IKBKB: variants seen among roughly 807,000 people sequenced by gnomAD.
The protein encoded by IKBKB is inhibitor of nuclear factor kappa B kinase subunit beta.
A neutral mutation model predicts 113.6 loss-of-function variants in IKBKB; 42 were observed. That is an observed-to-expected ratio of 0.37 (90% CI 0.29 to 0.48). The LOEUF is 0.48. IKBKB is among the 20% of genes least tolerant of loss of function. The pLI, the probability that IKBKB is intolerant of heterozygous loss-of-function variation, is 0.99. For synonymous variants in IKBKB, 296 were observed against 361.3 expected, an observed-to-expected ratio of 0.82 and a Z score of 2.05; for missense variants, 673 against 939.7, an observed-to-expected ratio of 0.72 and a Z score of 3.71.
At chr8:42,306,057 T>C (rs1213215329) in intron 6 of IKBKB, among the ~76,000 whole-genome samples, 1 of 152,204 alleles carries the variant, frequency 6.6e-6, no homozygotes, top group Non-Finnish European at 1.5e-5. Context: ...GGTTTAGCTG[T>C]CTTGAGGGCT....
At chr8:42,296,840 G>A (rs1261320309) in intron 5 of IKBKB, among the ~76,000 whole-genome samples, 1 of 152,146 alleles carries the variant, frequency 6.6e-6, no homozygotes, top group African/African-American at 2.4e-5. Context: ...GCGGTAAAAT[G>A]GGAGCGTTAC....
rs375674887 is a variant in IKBKB at position 42,317,913 on chromosome 8, T to A, written c.1240+142T>A. 1.8e-5 allele frequency: 12 copies of A among 667,654 alleles called. No homozygotes were observed. The African/African-American group carries it at 1.8e-4, about 10-fold the overall frequency. The allele number at this position is 667,654 out of a possible 1,614,324, so 41.4% of individuals were successfully genotyped here. On this transcript the variant is annotated intron_variant, in intron 12 of 21. Coordinates refer to ENST00000520810, the MANE Select transcript of IKBKB (RefSeq NM_001556.3). ...AGTCCTCAGGGCAGCCTTCCTTATT[T>A]AGGACATGCAAGGAGTAGCCAGGCA...
intron 8 of IKBKB, chr8:42,313,906 T>C (rs1818190218): frequency 5.8e-6 from 1 of 171,292 alleles, no homozygotes; most frequent in Admixed American, 5.7e-5. Context: ...TGTATAGTTG[T>C]AAACTTATAT....
intron 2 of IKBKB, among the ~76,000 whole-genome samples, chr8:42,278,810 C>T (rs1454578654): frequency 3.3e-5 from 5 of 152,048 alleles, no homozygotes; most frequent in South Asian, 2.1e-4. Flanking sequence ...GCCTGACCAA[C>T]GTGGAGAAAC....
chr8:42,325,975 G>A lies in IKBKB; in HGVS notation c.1992G>A (p.Lys664=). ...LWNLLKIACS[K]VRGPVSGSPD... ...CTTTTGATTTTGTCCCCTAGAGCAA[G>A]GTCCGTGGTCCTGTCAGTGGAAGCC... Residue 664 remains lysine, a synonymous_variant, in exon 20 of 22, where the codon AAG becomes AAA. Transcript: ENST00000520810. 1 of 1,614,148 alleles carries A rather than the reference G, an allele frequency of 6.2e-7. No homozygotes were observed. Among genetic ancestry groups the A allele is most frequent in the Non-Finnish European group, 8.5e-7 (1 of 1,180,018 alleles).
chr8:42,288,290 G>A (rs1025607817), intron 2 of IKBKB, among the ~76,000 whole-genome samples: 8 of 152,062 alleles, frequency 5.3e-5, no homozygotes, highest in Admixed American at 5.2e-4. Context: ...AGGAGGCTGA[G>A]GCACAAGAAT....
At chr8:42,308,857 C>G (rs1026383539) in intron 7 of IKBKB, 44 bp from the exon 8 acceptor site, 2 of 1,606,452 alleles carry the variant, frequency 1.2e-6, no homozygotes, top group Admixed American at 1.7e-5. Context: ...CCGTGGTCCC[C>G]CCAGAGAGGA....
At chr8:42,323,376 C>T (rs1820141565) in intron 19 of IKBKB, among the ~76,000 whole-genome samples, 1 of 152,232 alleles carries the variant, frequency 6.6e-6, no homozygotes, top group Non-Finnish European at 1.5e-5. Context: ...ACCGTCTTAA[C>T]GTAGCTGTGA....
At chr8:42,291,444 G>C (rs1812623544) in intron 4 of IKBKB, among the ~76,000 whole-genome samples, 1 of 152,184 alleles carries the variant, frequency 6.6e-6, no homozygotes, top group Non-Finnish European at 1.5e-5. Context: ...GGCTCCCAAA[G>C]TGCTGGGATT....
At position 42,322,494 on chromosome 8, in the gene IKBKB, T is replaced by C. The variant is rs1302408676; in HGVS notation, c.1986T>C (p.Cys662=). 4.0e-5 allele frequency: 65 copies of C among 1,613,642 alleles called. No homozygotes were observed. Among genetic ancestry groups the C allele is most frequent in the Non-Finnish European group, 5.1e-5 (60 of 1,180,006 alleles). Residue 662 remains cysteine, a splice_region_variant and synonymous_variant, in exon 19 of 22, where the codon TGT becomes TGC. Transcript: ENST00000520810. The part of the protein sequence containing the change: ...KELWNLLKIA[C]SKVRGPVSGS... The stretch of plus-strand genomic sequence containing the variant: ...TCTGGAATCTCCTGAAGATTGCTTG[T>C]GTGAGTGAGTGCTGTGGTCCCGGGC...
Position 42,321,943 on chromosome 8 carries a change from G to T in IKBKB, c.1736G>T (p.Arg579Leu). The T allele has an allele frequency of 6.2e-7, 1 of 1,613,296 alleles. No homozygotes were observed. Among genetic ancestry groups the T allele is most frequent in the South Asian group, 1.1e-5 (1 of 91,042 alleles). The part of the protein sequence containing the change: ...ELYRRLREKP[R>L]DQRTEGDSQE... ...TACAGGAGACTAAGGGAAAAACCTC[G>T]AGGTAAGTGGGGTTCTGTGTCTGCC... The change falls in exon 17 of 22, where the codon CGA becomes CTA. Residue 579 changes from arginine to leucine, a missense_variant and splice_region_variant. Around this residue, in one of 2 missense-constraint regions of IKBKB, gnomAD observed 506 missense variants for 638.7 expected, o/e 0.79. Transcript: ENST00000520810.
chr8:42,284,192 G>A (rs941849277), intron 2 of IKBKB, among the ~76,000 whole-genome samples: 6 of 152,204 alleles, frequency 3.9e-5, no homozygotes, highest in Non-Finnish European at 7.3e-5. Flanking sequence ...ATAGGGTGAA[G>A]GCGAAAGGGC....
intron 4 of IKBKB, among the ~76,000 whole-genome samples, chr8:42,291,872 C>T (rs565305448): frequency 1.4e-3 from 206 of 152,188 alleles, no homozygotes; most frequent in Middle Eastern, 6.8e-3. Flanking sequence ...GTTGAGGCTA[C>T]GGTGAGCTAT....
chr8:42,295,702 G>T (rs191351446), intron 5 of IKBKB, among the ~76,000 whole-genome samples: 18 of 151,892 alleles, frequency 1.2e-4, no homozygotes, highest in African/African-American at 4.3e-4. Flanking sequence ...CTCCCGCCTG[G>T]TGACAGAGTG....
chr8:42,309,098 C>T, intron 8 of IKBKB, 73 bp downstream of exon 8: 1 of 1,498,712 alleles, frequency 6.7e-7, no homozygotes, highest in Admixed American at 1.9e-5. Context: ...CCCTGTTTCC[C>T]TGGCGCCCCA....
At chr8:42,303,090 A>AGAGAGAGAG (rs1815668991) in intron 5 of IKBKB, among the ~76,000 whole-genome samples, 7 of 101,160 alleles carry the variant, frequency 6.9e-5, no homozygotes, top group African/African-American at 3.5e-4. Flanking sequence ...AGAGAGAGAG[A>AGAGAGAGAG]ATGAGAGAGA....
At chr8:42,311,178 C>A (rs1817625311) in intron 8 of IKBKB, among the ~76,000 whole-genome samples, 1 of 152,230 alleles carries the variant, frequency 6.6e-6, no homozygotes, top group Non-Finnish European at 1.5e-5. Flanking sequence ...TCCTTGCCAA[C>A]ACTGGCTATT....
Position 42,329,156 on chromosome 8 carries a change from G to A in IKBKB, c.2147G>A (p.Cys716Tyr). 1 of 1,605,578 alleles carries A rather than the reference G, an allele frequency of 6.2e-7. No individual in the cohort carries two copies. The highest frequency in any genetic ancestry group is 8.5e-7 in the Non-Finnish European group (1 of 1,177,260). The change falls in exon 21 of 22, where the codon TGC (cysteine) becomes TAC (tyrosine). Residue 716 changes from cysteine to tyrosine, a missense_variant. By Grantham distance (194) the Cys-to-Tyr change is radical. Around this residue, in one of 2 missense-constraint regions of IKBKB, gnomAD observed 506 missense variants for 638.7 expected, o/e 0.79. Transcript: ENST00000520810. The stretch of plus-strand genomic sequence containing the variant: ...CTGGTGGCTGAAGCACATAACCTCT[G>A]CACCCTGCTAGAAAATGCCATACAG... ...EELVAEAHNL[C>Y]TLLENAIQDT...
chr8:42,273,284 G>T (rs1808213181), intron 2 of IKBKB, among the ~76,000 whole-genome samples: 1 of 151,470 alleles, frequency 6.6e-6, no homozygotes, highest in Admixed American at 6.6e-5. Flanking sequence ...GTGTGGTGGT[G>T]CATGCCTGTA....
Sources: allele counts gnomAD v4.1 joint callset (sites outside exome capture counted in the v4.1 genomes callset), GRCh38; gene constraint gnomAD v4.1.1; regional missense constraint gnomAD v4.1.1; transcripts MANE v1.5; gene names NCBI Gene and HGNC (gene_info 2026-07-23, HGNC 2026-07-21).